PTPRE: variants seen among roughly 807,000 people sequenced by gnomAD.
PTPRE encodes the protein receptor-type tyrosine-protein phosphatase epsilon.
PTPRE carries 51 observed loss-of-function variants against 102.0 expected under a neutral mutation model. That is an observed-to-expected ratio of 0.50 (90% CI 0.40 to 0.63). PTPRE has a LOEUF of 0.63. Among genes scored for constraint, PTPRE ranks in the 30% least tolerant of loss-of-function variants. The pLI is 0.00. For synonymous variants in PTPRE, 345 were observed against 348.2 expected (o/e 0.99, Z 0.10); for missense variants, 752 against 915.1 (o/e 0.82, Z 2.30).
intron 13 of PTPRE, 81 bp downstream of exon 13, chr10:128,069,908 T>A: frequency 6.3e-7 from 1 of 1,597,592 alleles, no homozygotes; most frequent in Non-Finnish European, 8.6e-7. Flanking sequence ...TGCAGGGCCC[T>A]GGCTCTGATG....
intron 1 of PTPRE, among the ~76,000 whole-genome samples, chr10:127,925,998 A>G (rs995671191): frequency 7.2e-5 from 11 of 152,234 alleles, no homozygotes; most frequent in Non-Finnish European, 1.2e-4. Context: ...TGTGCTTTAT[A>G]TACACTGGGT....
chr10:127,919,863 G>T (rs2135172994), intron 1 of PTPRE, among the ~76,000 whole-genome samples: 1 of 152,130 alleles, frequency 6.6e-6, no homozygotes, highest in South Asian at 2.1e-4. Flanking sequence ...TGAATGAATG[G>T]GCAGTGCTGG....
chr10:128,063,062 G>C (rs374764753), intron 9 of PTPRE, 21 bp from the exon 10 acceptor site: 2 of 1,613,558 alleles, frequency 1.2e-6, no homozygotes, highest in East Asian at 4.5e-5. Context: ...TTTTGACTTC[G>C]AAATTGTCCT....
chr10:127,963,317 T>C (rs960974072), intron 1 of PTPRE, among the ~76,000 whole-genome samples: 6 of 152,174 alleles, frequency 3.9e-5, no homozygotes, highest in Non-Finnish European at 7.3e-5. Context: ...CCCTCTCCTG[T>C]CAGCCAAGGC....
chr10:127,944,511 GATGGGTGGATGGATGGATAA>G lies in PTPRE; in HGVS notation c.-31+37207_-31+37226del, dbSNP rs1848490933. 7.3e-6 allele frequency among the ~76,000 whole-genome samples: 1 copy of G among 136,332 alleles called. No individual in the cohort carries two copies. Among genetic ancestry groups the G allele is most frequent in the Admixed American group, 7.8e-5 (1 of 12,804 alleles). The allele number at this position is 136,332 out of a possible 152,430, so 89.4% of individuals were successfully genotyped here. On this transcript the variant is annotated intron_variant, in intron 1 of 20. Coordinates refer to ENST00000254667, the MANE Select transcript of PTPRE (RefSeq NM_006504.6). This position sits in a 1 kb window ranked among gnomAD's most constrained non-coding sequence, Gnocchi z 4.2. ...GGATGGATGGATGGATGGATGGATGGATGGGTGGATGGATGGATAAATGGATGGATGGATAAGTGGATGGA... is the reference window on the plus strand; with the variant it reads ...GGATGGATGGATGGATGGATGGATGGATGGATGGATGGATAAGTGGATGGA...
intron 2 of PTPRE, among the ~76,000 whole-genome samples, chr10:127,990,407 A>T (rs1852515685): frequency 9.0e-6 from 1 of 110,700 alleles, no homozygotes; most frequent in Non-Finnish European, 1.9e-5. Flanking sequence ...GCATGACTCC[A>T]CCTCAAAAAA....
At chr10:127,976,633 A>G (rs1589881616) in intron 1 of PTPRE, among the ~76,000 whole-genome samples, 2 of 152,206 alleles carry the variant, frequency 1.3e-5, no homozygotes, top group South Asian at 4.1e-4. Flanking sequence ...GCTTAGCAAC[A>G]TTGTTTTAAA....
rs2136024851 is a variant in PTPRE, at chr10:128,070,591, A to G, written c.1293+141A>G. On this transcript the variant is annotated intron_variant, in intron 14 of 20. Coordinates refer to ENST00000254667, the MANE Select transcript of PTPRE (RefSeq NM_006504.6). The surrounding 1 kb of genome is among the most constrained non-coding windows in gnomAD (Gnocchi z 4.8). ...AAAAAGCAGGGGCAATACCTGAGCC[A>G]TGATTTACAAGGGAAGAAGGATCAG... The G allele has an allele frequency of 8.0e-7, 1 of 1,256,136 alleles. No individual in the cohort carries two copies. Among genetic ancestry groups the G allele is most frequent in the Non-Finnish European group, 1.1e-6 (1 of 923,386 alleles). The allele number at this position is 1,256,136 out of a possible 1,614,324, so 77.8% of individuals were successfully genotyped here. A position where few individuals can be genotyped will look rare whatever the true frequency, so the allele number is the denominator to read the frequency against.
rs774729852 is a variant in PTPRE at position 128,070,502 on chromosome 10, G to T, written c.1293+52G>T. 2 of 1,579,458 alleles carry T rather than the reference G, an allele frequency of 1.3e-6. No homozygotes were observed. The highest frequency in any genetic ancestry group is 1.7e-6 in the Non-Finnish European group (2 of 1,163,504). ...TCCTGGTGTAAGCAGCCAAGGGCAC[G>T]AGGAAAACAGGTGACCATTTAAAGG... On this transcript the variant is annotated intron_variant, in intron 14 of 20. Coordinates refer to ENST00000254667, the MANE Select transcript of PTPRE (RefSeq NM_006504.6). This position sits in a 1 kb window ranked among gnomAD's most constrained non-coding sequence, Gnocchi z 4.8.
intron 2 of PTPRE, among the ~76,000 whole-genome samples, chr10:128,024,285 T>C (rs1178583879): frequency 6.6e-6 from 1 of 152,224 alleles, no homozygotes; most frequent in East Asian, 1.9e-4. Context: ...TAGTCCATTC[T>C]GTCTTATTTG....
chr10:128,041,006 C>G lies in PTPRE; in HGVS notation c.109+16C>G. The G allele has an allele frequency of 6.2e-7, 1 of 1,609,152 alleles. No homozygotes were observed. Among genetic ancestry groups the G allele is most frequent in the South Asian group, 1.1e-5 (1 of 90,830 alleles). On this transcript the variant is annotated intron_variant, in intron 3 of 20. Coordinates refer to ENST00000254667, the MANE Select transcript of PTPRE (RefSeq NM_006504.6). ...ACGACCTCAGGTAAGGACCCCTTTC[C>G]CTGGCTGCCTCCCCTACTACCTCCT...
At chr10:127,928,511 G>A (rs998071068) in intron 1 of PTPRE, among the ~76,000 whole-genome samples, 6 of 152,208 alleles carry the variant, frequency 3.9e-5, no homozygotes, top group Non-Finnish European at 5.9e-5. Context: ...GAAGTGCTCA[G>A]TGCCAGTTCA....
chr10:128,069,928 C>A lies in PTPRE; in HGVS notation c.1143+101C>A, dbSNP rs1850620243. On this transcript the variant is annotated intron_variant, in intron 13 of 20. Coordinates refer to ENST00000254667, the MANE Select transcript of PTPRE (RefSeq NM_006504.6). ...GGCCCTGGCTCTGATGGGCACGTGG[C>A]AACCAGCCTGGGCCTGGCCTGGCTT... The A allele has an allele frequency of 2.5e-6, 4 of 1,573,126 alleles. No individual in the cohort carries two copies. In the Admixed American group the frequency reaches 6.8e-5, roughly 27 times the overall value.
intron 2 of PTPRE, among the ~76,000 whole-genome samples, chr10:128,032,337 G>GA (rs1429513859): frequency 6.6e-6 from 1 of 152,120 alleles, no homozygotes; most frequent in Non-Finnish European, 1.5e-5. Context: ...TTTTAATGTT[G>GA]AAATGATACT....
chr10:127,957,578 A>G (rs551797677), intron 1 of PTPRE, among the ~76,000 whole-genome samples: 2 of 152,314 alleles, frequency 1.3e-5, no homozygotes, highest in East Asian at 3.9e-4. Flanking sequence ...TTCTGTTCCA[A>G]TGATGTTGAT....
intron 7 of PTPRE, 37 bp downstream of exon 7, chr10:128,056,250 GT>G: frequency 6.5e-7 from 1 of 1,539,116 alleles, no homozygotes; most frequent in South Asian, 1.1e-5. Context: ...GATCAATGGT[GT>G]TTGCACTAAA....
intron 15 of PTPRE, 158 bp from the exon 16 acceptor site, chr10:128,071,980 T>C: frequency 1.7e-6 from 1 of 581,450 alleles, no homozygotes; most frequent in Non-Finnish European, 3.0e-6. Context: ...CCTGAGCCAC[T>C]TTAATTATCG....
At chr10:127,921,183 C>G (rs191890604) in intron 1 of PTPRE, among the ~76,000 whole-genome samples, 1 of 152,240 alleles carries the variant, frequency 6.6e-6, no homozygotes, top group Non-Finnish European at 1.5e-5. Context: ...TGAGGGTGCA[C>G]TTGCTGAGTG....
chr10:127,907,809 C>G lies in PTPRE; in HGVS notation c.-31+500C>G, dbSNP rs1247714235. Reference sequence around the variant, plus strand: ...CTCTGCCAGGATGCTGCCCCGCAGCCGGGCGGGCGCCCGCGCCTTCCCAGG... The same window carrying G: ...CTCTGCCAGGATGCTGCCCCGCAGCGGGGCGGGCGCCCGCGCCTTCCCAGG... On this transcript the variant is annotated intron_variant, in intron 1 of 20. Coordinates refer to ENST00000254667, the MANE Select transcript of PTPRE (RefSeq NM_006504.6). The surrounding 1 kb of genome is among the most constrained non-coding windows in gnomAD (Gnocchi z 4.8). Among the ~76,000 whole-genome samples the G allele has an allele frequency of 6.6e-6, 1 of 152,182 alleles. No individual in the cohort carries two copies. Among genetic ancestry groups the G allele is most frequent in the Non-Finnish European group, 1.5e-5 (1 of 68,024 alleles).
Sources: allele counts gnomAD v4.1 joint callset (sites outside exome capture counted in the v4.1 genomes callset), GRCh38; gene constraint gnomAD v4.1.1; non-coding constraint Gnocchi (gnomAD v3.1); transcripts MANE v1.5; gene names NCBI Gene and HGNC (gene_info 2026-07-23, HGNC 2026-07-21).